GSAP: variants seen among roughly 807,000 people sequenced by gnomAD.
The protein encoded by GSAP is gamma-secretase-activating protein.
In GSAP, 118 loss-of-function variants were observed where a neutral mutation model predicts 131.7. The ratio of observed to expected loss-of-function variants is 0.90; its 90% CI spans 0.77 to 1.04. The LOEUF (loss-of-function observed/expected upper bound fraction) is 1.04, where lower values mean the gene tolerates loss of function less well. Among genes scored for constraint, GSAP ranks in the 50% least tolerant of loss-of-function variants. The pLI is 0.00. For synonymous variants in GSAP, 381 were observed against 363.4 expected, an observed-to-expected ratio of 1.05 and a Z score of -0.55; for missense variants, 1,019 against 1,013.2, an observed-to-expected ratio of 1.01 and a Z score of -0.08.
intron 14 of GSAP, among the ~76,000 whole-genome samples, chr7:77,357,411 C>G (rs909525160): frequency 2.0e-5 from 3 of 152,102 alleles, no homozygotes; most frequent in Non-Finnish European, 2.9e-5. Context: ...CAGGTAGACA[C>G]AGGTAGGCAC....
rs192667518 is a variant in GSAP at position 77,328,518 on chromosome 7, C to G, written c.1765+88G>C. On this transcript the variant is annotated intron_variant, in intron 22 of 30. Transcript: ENST00000257626. Reference sequence around the variant, plus strand: ...GCACCACACTACTGGAAGTGATTCTCTTGCCAACCCACAGTGGTAGGAAGA... The same window carrying G: ...GCACCACACTACTGGAAGTGATTCTGTTGCCAACCCACAGTGGTAGGAAGA... The G allele has an allele frequency of 3.2e-6, 5 of 1,539,532 alleles. No homozygotes were observed. In the African/African-American group the frequency reaches 7.0e-5, roughly 21 times the overall value.
chr7:77,330,414 G>T (rs3750044), intron 19 of GSAP, 47 bp from the exon 20 acceptor site: 196,105 of 1,598,426 alleles, frequency 0.12, 16,959 homozygotes, highest in East Asian at 0.41. Context: ...AGGCCCAGTG[G>T]CCCAAACCAC....
intron 1 of GSAP, among the ~76,000 whole-genome samples, chr7:77,408,712 A>G (rs1434091421): frequency 8.2e-5 from 12 of 145,530 alleles, no homozygotes; most frequent in Admixed American, 8.2e-4. Context: ...AAAAAAAAAA[A>G]AGAAAAGATA....
chr7:77,352,278 C>T (rs1405667738), intron 18 of GSAP, among the ~76,000 whole-genome samples: 1 of 152,172 alleles, frequency 6.6e-6, no homozygotes, highest in Non-Finnish European at 1.5e-5. Context: ...CAAAAGCAAG[C>T]ATGTAGTTCT....
chr7:77,402,475 G>C (rs1801498319), intron 3 of GSAP, among the ~76,000 whole-genome samples: 1 of 147,692 alleles, frequency 6.8e-6, no homozygotes, highest in Non-Finnish European at 1.5e-5. Flanking sequence ...CACACCTGTA[G>C]TTCCAGCTAC....
intron 19 of GSAP, among the ~76,000 whole-genome samples, chr7:77,343,054 A>G (rs556303154): frequency 9.2e-5 from 14 of 152,296 alleles, no homozygotes; most frequent in Non-Finnish European, 1.8e-4. Flanking sequence ...CATTACACAC[A>G]GCCAAAGTGC....
At position 77,351,707 on chromosome 7, in the gene GSAP, G is replaced by A. The variant is rs185083646; in HGVS notation, c.1491+1237C>T. The A allele has an allele frequency of 3.0e-6, 3 of 985,696 alleles. No individual in the cohort carries two copies. The African/African-American group carries it at 5.2e-5, about 17-fold the overall frequency. The allele number at this position is 985,696 out of a possible 1,614,324, so 61.1% of individuals were successfully genotyped here. On this transcript the variant is annotated intron_variant, in intron 18 of 30. Coordinates refer to ENST00000257626, the MANE Select transcript of GSAP (RefSeq NM_017439.4). ...TGCACAATCTTGAGAAGTGCAAAAG[G>A]GAAGCGTTACCCTCAGGGTGATATT...
intron 26 of GSAP, among the ~76,000 whole-genome samples, chr7:77,319,324 A>G (rs1787299249): frequency 6.6e-6 from 1 of 152,192 alleles, no homozygotes; most frequent in Non-Finnish European, 1.5e-5. Context: ...CATCAGGGAA[A>G]TGCACATCAA....
At chr7:77,330,533 A>T in intron 19 of GSAP, 166 bp from the exon 20 acceptor site, 1 of 1,206,810 alleles carries the variant, frequency 8.3e-7, no homozygotes, top group Non-Finnish European at 1.0e-6. Flanking sequence ...ATTCTAAAAT[A>T]GACTTAAAGA....
At chr7:77,373,709 A>G (rs1796450918) in intron 12 of GSAP, among the ~76,000 whole-genome samples, 1 of 152,220 alleles carries the variant, frequency 6.6e-6, no homozygotes, top group Non-Finnish European at 1.5e-5. Context: ...GTAAGTTTAG[A>G]ACCAAACACA....
chr7:77,349,058 A>T (rs1305322065), intron 19 of GSAP, among the ~76,000 whole-genome samples: 2 of 152,212 alleles, frequency 1.3e-5, no homozygotes, highest in Non-Finnish European at 2.9e-5. Flanking sequence ...CCCCCAGTAC[A>T]GCCTGTTCTG....
At chr7:77,330,951 T>C (rs1177828953) in intron 19 of GSAP, 1 of 664,860 alleles carries the variant, frequency 1.5e-6, no homozygotes, top group African/African-American at 2.0e-5. Flanking sequence ...ATTGATATAA[T>C]TGTACTACCC....
chr7:77,383,014 C>T (rs1798019161), intron 6 of GSAP, among the ~76,000 whole-genome samples: 1 of 152,074 alleles, frequency 6.6e-6, no homozygotes, highest in South Asian at 2.1e-4. Context: ...GGCAAGACCG[C>T]ATCTCTACAA....
chr7:77,321,525 A>G (rs976980182), intron 24 of GSAP, 122 bp from the exon 25 acceptor site: 2 of 688,520 alleles, frequency 2.9e-6, no homozygotes, highest in South Asian at 3.3e-5. Flanking sequence ...GCATCCAGAC[A>G]CACAACTAGC....
chr7:77,313,519 AGTTTTTCATTTTTCTCT>A lies in GSAP; in HGVS notation c.2223_2239del (p.Lys743IlefsTer17). The A allele has an allele frequency of 6.4e-7, 1 of 1,567,430 alleles. No individual in the cohort carries two copies. The highest frequency in any genetic ancestry group is 8.8e-7 in the Non-Finnish European group (1 of 1,138,732). ...AAGCCGCACAATGATACTGAATTTC[AGTTTTTCATTTTTCTCT>A]GTATTATCCAGATCTACAAGAAAGT... On this transcript the variant is annotated frameshift_variant, in exon 28 of 31. Transcript: ENST00000257626. LOFTEE classifies it high-confidence loss of function.
intron 1 of GSAP, among the ~76,000 whole-genome samples, chr7:77,407,973 C>T (rs943791503): frequency 3.3e-5 from 5 of 152,184 alleles, no homozygotes; most frequent in Admixed American, 2.6e-4. Flanking sequence ...AAAGAACCTT[C>T]CCCACCACCA....
At chr7:77,408,689 CAAAAAAA>C (rs749202124) in intron 1 of GSAP, among the ~76,000 whole-genome samples, 1,743 of 67,176 alleles carry the variant, frequency 0.026, 20 homozygotes, top group Middle Eastern at 0.062. Context: ...ACTCTGCCTC[CAAAAAAA>C]AAAAAAAAAA....
chr7:77,322,560 GT>G (rs1303574138), intron 24 of GSAP, among the ~76,000 whole-genome samples: 1 of 146,328 alleles, frequency 6.8e-6, no homozygotes, highest in Non-Finnish European at 1.5e-5. Flanking sequence ...AGGTGGATGT[GT>G]TAAATCACTG....
At chr7:77,326,629 C>G (rs1400678406) in intron 22 of GSAP, 3 of 170,138 alleles carry the variant, frequency 1.8e-5, no homozygotes, top group Non-Finnish European at 3.8e-5. Flanking sequence ...GGGAACAGCG[C>G]TCGGTGGAAG....
Sources: allele counts gnomAD v4.1 joint callset (sites outside exome capture counted in the v4.1 genomes callset), GRCh38; gene constraint gnomAD v4.1.1; transcripts MANE v1.5; gene names NCBI Gene and HGNC (gene_info 2026-07-23, HGNC 2026-07-21).